Variants in FUCA1 observed in about 807,000 individuals in gnomAD.
FUCA1 encodes alpha-L-fucosidase 1.
Under a neutral mutation model 56.8 loss-of-function variants are expected in FUCA1, and 52 were observed. The observed-to-expected ratio is 0.92, with a 90% CI of 0.73 to 1.15. FUCA1 has a LOEUF of 1.15. Among genes scored for constraint, FUCA1 ranks in the 50% most tolerant of loss-of-function variants. FUCA1 has a pLI of 0.00. For missense variants in FUCA1, 568 were observed against 592.6 expected, an observed-to-expected ratio of 0.96 and a Z score of 0.43; for synonymous variants, 230 against 226.6, an observed-to-expected ratio of 1.02 and a Z score of -0.14.
chr1:23,846,023 G>A, intron 7 of FUCA1, 51 bp downstream of exon 7: 2 of 1,528,110 alleles, frequency 1.3e-6, no homozygotes, highest in Non-Finnish European at 1.8e-6. Context: ...GGAAGGATCT[G>A]CCAATTCCTT....
chr1:23,864,770 T>C (rs1639588763), intron 2 of FUCA1, among the ~76,000 whole-genome samples: 1 of 151,452 alleles, frequency 6.6e-6, no homozygotes, highest in Non-Finnish European at 1.5e-5. Flanking sequence ...AGTGGTGCGA[T>C]CTTGGCTCAC....
intron 6 of FUCA1, 97 bp from the exon 7 acceptor site, chr1:23,846,270 CTTTTCTTTTTTTTT>C: frequency 1.2e-6 from 1 of 804,796 alleles, no homozygotes; most frequent in Non-Finnish European, 2.0e-6. Context: ...ATTTTCTTTT[CTTTTCTTTTTTTTT>C]TTTTTGAGAC....
In FUCA1 at chr1:23,845,618, A is replaced by T; in HGVS notation, c.*97T>A. On this transcript the variant is annotated 3_prime_UTR_variant, in exon 8 of 8. Transcript: ENST00000374479. ...TGTTGGAAAAGCCATCTCTGGGTGG[A>T]GAAGAGAAGTTCGTTGATTATAGTG... The T allele has an allele frequency of 7.0e-7, 1 of 1,437,310 alleles. No homozygotes were observed. Among genetic ancestry groups the T allele is most frequent in the Non-Finnish European group, 9.8e-7 (1 of 1,020,066 alleles). 89.0% of individuals were successfully genotyped at this position (1,437,310 alleles called of 1,614,324 possible).
chr1:23,848,349 G>A (rs573021190), intron 6 of FUCA1, among the ~76,000 whole-genome samples: 4 of 152,200 alleles, frequency 2.6e-5, no homozygotes, highest in South Asian at 4.1e-4. Context: ...ATGGGGCTCC[G>A]TACAATCCAA....
rs1639352820 is a variant in FUCA1, at chr1:23,854,560, C to G, written c.769G>C (p.Asp257His). The G allele has an allele frequency of 1.9e-6, 3 of 1,611,548 alleles. No individual in the cohort carries two copies. In the East Asian group the frequency reaches 6.7e-5, roughly 36 times the overall value. ...CATCGGTCATTTACTACCACCTCAT[C>G]CTAAGGAGGGAAAGAATATTTGGTC... is the stretch of plus-strand genomic sequence containing the variant. ...SWLYNDSPVK[D>H]EVVVNDRWGQ... Residue 257 changes from aspartate to histidine, a missense_variant and splice_region_variant, in exon 5 of 8, where the codon GAT (aspartate) becomes CAT (histidine). Coordinates refer to ENST00000374479, the MANE Select transcript of FUCA1 (RefSeq NM_000147.5).
Position 23,867,861 on chromosome 1 carries a change from G to A in FUCA1, c.389+37C>T, listed in dbSNP as rs1639656306. ...GCCCCACCTCCTGTTTGCCGCCCGAGCCGGGAAGGGGCGCCGCTCCCCGGG... is the reference window on the plus strand; with the variant it reads ...GCCCCACCTCCTGTTTGCCGCCCGAACCGGGAAGGGGCGCCGCTCCCCGGG... On this transcript the variant is annotated intron_variant, in intron 1 of 7. Transcript: ENST00000374479. The surrounding 1 kb of genome is among the most constrained non-coding windows in gnomAD (Gnocchi z 4.9). The A allele has an allele frequency of 1.6e-5, 24 of 1,528,018 alleles. No individual in the cohort carries two copies. The highest frequency in any genetic ancestry group is 2.1e-5 in the Non-Finnish European group (24 of 1,140,348). 94.7% of individuals were successfully genotyped at this position (1,528,018 alleles called of 1,614,324 possible).
chr1:23,849,052 C>T (rs866854685), intron 5 of FUCA1, among the ~76,000 whole-genome samples: 2 of 151,928 alleles, frequency 1.3e-5, no homozygotes, highest in African/African-American at 2.4e-5. Context: ...AACTGCATCT[C>T]GGCTCACTGC....
At chr1:23,852,461 C>T (rs938937707) in intron 5 of FUCA1, among the ~76,000 whole-genome samples, 1 of 144,748 alleles carries the variant, frequency 6.9e-6, no homozygotes, top group Non-Finnish European at 1.5e-5. Flanking sequence ...CTCTCCCTCT[C>T]CCCCCTCTCC....
At chr1:23,847,146 G>T (rs1639160744) in intron 6 of FUCA1, among the ~76,000 whole-genome samples, 1 of 152,070 alleles carries the variant, frequency 6.6e-6, no homozygotes, top group Non-Finnish European at 1.5e-5. Context: ...ACTCTATCTG[G>T]TGATACTATC....
At chr1:23,862,834 C>T (rs925122612) in intron 3 of FUCA1, among the ~76,000 whole-genome samples, 2 of 152,208 alleles carry the variant, frequency 1.3e-5, no homozygotes, top group Non-Finnish European at 2.9e-5. Context: ...AAACCACCCC[C>T]TCTCCAGGGT....
At chr1:23,864,703 TTTC>T (rs1248721266) in intron 2 of FUCA1, among the ~76,000 whole-genome samples, 1 of 149,888 alleles carries the variant, frequency 6.7e-6, no homozygotes, top group African/African-American at 2.5e-5. Flanking sequence ...TTTTGTCTTT[TTTC>T]TTTTTTTTTT....
At chr1:23,860,994 A>G (rs1172955073) in intron 3 of FUCA1, among the ~76,000 whole-genome samples, 1 of 151,134 alleles carries the variant, frequency 6.6e-6, no homozygotes, top group African/African-American at 2.4e-5. Flanking sequence ...CATACAAACA[A>G]TTTGGTTTCC....
At chr1:23,861,776 G>A (rs1639517328) in intron 3 of FUCA1, among the ~76,000 whole-genome samples, 1 of 152,180 alleles carries the variant, frequency 6.6e-6, no homozygotes, top group Non-Finnish European at 1.5e-5. Flanking sequence ...AGGTGACAAG[G>A]CTTGTAAGTA....
At chr1:23,861,541 T>C (rs1639513512) in intron 3 of FUCA1, among the ~76,000 whole-genome samples, 1 of 152,146 alleles carries the variant, frequency 6.6e-6, no homozygotes, top group South Asian at 2.1e-4. Flanking sequence ...GTTGGAACTA[T>C]TCATAAAATG....
At chr1:23,851,969 T>A (rs1258407810) in intron 5 of FUCA1, among the ~76,000 whole-genome samples, 2 of 151,976 alleles carry the variant, frequency 1.3e-5, no homozygotes, top group African/African-American at 4.8e-5. Flanking sequence ...GGCACATGTA[T>A]ACCTATGAAA....
chr1:23,866,792 A>G (rs910968109), intron 1 of FUCA1, among the ~76,000 whole-genome samples: 15 of 152,184 alleles, frequency 9.9e-5, no homozygotes, highest in African/African-American at 3.6e-4. Context: ...TGGGCCAGTC[A>G]TCTCATCCAT....
rs1369097244 is a variant in FUCA1 at position 23,845,631 on chromosome 1, G to A, written c.*84C>T. The stretch of plus-strand genomic sequence containing the variant: ...ATCTCTGGGTGGAGAAGAGAAGTTC[G>A]TTGATTATAGTGATGGTACTATAAG... On this transcript the variant is annotated 3_prime_UTR_variant, in exon 8 of 8. Transcript: ENST00000374479. 2.4e-5 allele frequency: 37 copies of A among 1,538,640 alleles called. No individual in the cohort carries two copies. Among genetic ancestry groups the A allele is most frequent in the East Asian group, 1.6e-4 (7 of 44,486 alleles).
chr1:23,847,906 C>G (rs750612087), intron 6 of FUCA1, among the ~76,000 whole-genome samples: 48 of 152,112 alleles, frequency 3.2e-4, no homozygotes, highest in Non-Finnish European at 4.9e-4. Context: ...CCTATAATCC[C>G]AGCTGCTTGG....
At chr1:23,851,147 G>A (rs148045826) in intron 5 of FUCA1, among the ~76,000 whole-genome samples, 1 of 151,916 alleles carries the variant, frequency 6.6e-6, no homozygotes, top group East Asian at 1.9e-4. Context: ...ACATTTTTAT[G>A]GTTACCAGGA....
Sources: allele counts gnomAD v4.1 joint callset (sites outside exome capture counted in the v4.1 genomes callset), GRCh38; gene constraint gnomAD v4.1.1; non-coding constraint Gnocchi (gnomAD v3.1); transcripts MANE v1.5; gene names NCBI Gene and HGNC (gene_info 2026-07-23, HGNC 2026-07-21).